Variants in PCDHA13 observed in about 807,000 individuals in gnomAD.
PCDHA13 encodes the protein protocadherin alpha 13, also known as protocadherin alpha-13.
A neutral mutation model predicts 64.8 loss-of-function variants in PCDHA13; 54 were observed. The observed-to-expected ratio is 0.83, with a 90% CI of 0.67 to 1.04. The LOEUF (loss-of-function observed/expected upper bound fraction) is 1.04, where lower values mean the gene tolerates loss of function less well. PCDHA13 is among the 50% of genes least tolerant of loss of function. PCDHA13 has a pLI of 0.00. For synonymous variants in PCDHA13, 587 were observed against 564.4 expected, an observed-to-expected ratio of 1.04 and a Z score of -0.57; for missense variants, 1,248 against 1,254.3, an observed-to-expected ratio of 0.99 and a Z score of 0.08.
chr5:140,971,488 A>G (rs17119328), intron 1 of PCDHA13, among the ~76,000 whole-genome samples: 1 of 152,104 alleles, frequency 6.6e-6, no homozygotes, highest in African/African-American at 2.4e-5. Flanking sequence ...ACATTGTTAC[A>G]GTGTGGCAAG....
chr5:140,955,030 A>T (rs1453200706), intron 1 of PCDHA13, among the ~76,000 whole-genome samples: 2 of 152,312 alleles, frequency 1.3e-5, no homozygotes, highest in African/African-American at 4.8e-5. Context: ...TTAAATAGGG[A>T]ATCTTTTCCT....
At chr5:140,984,228 G>A (rs374551349) in intron 3 of PCDHA13, among the ~76,000 whole-genome samples, 180 of 152,262 alleles carry the variant, frequency 1.2e-3, no homozygotes, top group African/African-American at 4.0e-3. Context: ...TTGCTCTTAT[G>A]GAGGCATTGT....
intron 3 of PCDHA13, among the ~76,000 whole-genome samples, chr5:141,009,180 T>C (rs1272195338): frequency 6.6e-6 from 1 of 152,170 alleles, no homozygotes; most frequent in Non-Finnish European, 1.5e-5. Context: ...CTTGGCTGGG[T>C]GTGGTAGCTC....
At chr5:140,904,818 G>A (rs1186696681) in intron 1 of PCDHA13, among the ~76,000 whole-genome samples, 1 of 152,070 alleles carries the variant, frequency 6.6e-6, no homozygotes, top group Non-Finnish European at 1.5e-5. Flanking sequence ...GTGATGTTGA[G>A]CATTTTTTTA....
chr5:140,986,853 A>G (rs1424493333), intron 3 of PCDHA13, among the ~76,000 whole-genome samples: 3 of 152,206 alleles, frequency 2.0e-5, no homozygotes, highest in Admixed American at 6.5e-5. Flanking sequence ...AGCAACACCA[A>G]CAATACCCGG....
chr5:140,959,000 G>A (rs1239762631), intron 1 of PCDHA13, among the ~76,000 whole-genome samples: 1 of 151,884 alleles, frequency 6.6e-6, no homozygotes, highest in Admixed American at 6.6e-5. Flanking sequence ...ATCTTTTACT[G>A]TACCTAATTT....
rs59860837 is a variant in PCDHA13 at position 141,005,701 on chromosome 5, C to CAAAAA, written c.2543-3900_2543-3896dup. 5.2e-3 allele frequency among the ~76,000 whole-genome samples: 40 copies of CAAAAA among 7,764 alleles called. 2 individuals are homozygous for CAAAAA. Among genetic ancestry groups the CAAAAA allele is most frequent in the East Asian group, 0.013 (4 of 312 alleles). The allele number at this position is 7,764 out of a possible 152,430, so 5.1% of individuals were successfully genotyped here. On this transcript the variant is annotated intron_variant, in intron 3 of 3. Coordinates refer to ENST00000289272, the MANE Select transcript of PCDHA13 (RefSeq NM_018904.3). ...TGGGCGACAGAGCGAAACTCCGTCT[C>CAAAAA]AAAAAAAAAAAAAAAAAAAAAAAAA...
intron 3 of PCDHA13, among the ~76,000 whole-genome samples, chr5:141,000,415 A>ATTT (rs1563651650): frequency 1.1e-5 from 1 of 87,398 alleles, no homozygotes; most frequent in South Asian, 4.0e-4. Flanking sequence ...ATATATATAT[A>ATTT]TATATATTTT....
At chr5:140,926,775 G>C in intron 1 of PCDHA13, 9 of 1,391,106 alleles carry the variant, frequency 6.5e-6, no homozygotes, top group Admixed American at 3.1e-5. Flanking sequence ...GCCCGCAGCA[G>C]TGACGGCCGG....
Position 140,982,684 on chromosome 5 carries a change from T to C in PCDHA13, c.2542+121T>C. Reference sequence around the variant, plus strand: ...TTTTATATTTTTGTTATTCCCTTTTTTCCATACATACATGATTTCCTTACA... The same window carrying C: ...TTTTATATTTTTGTTATTCCCTTTTCTCCATACATACATGATTTCCTTACA... On this transcript the variant is annotated intron_variant, in intron 3 of 3. Transcript: ENST00000289272. The C allele has an allele frequency of 2.8e-6, 4 of 1,425,176 alleles. No individual in the cohort carries two copies. In the South Asian group the frequency reaches 6.0e-5, roughly 21 times the overall value. 88.3% of individuals were successfully genotyped at this position (1,425,176 alleles called of 1,614,324 possible).
At chr5:140,886,951 C>T (rs1277166050) in intron 1 of PCDHA13, among the ~76,000 whole-genome samples, 1 of 151,696 alleles carries the variant, frequency 6.6e-6, no homozygotes, top group Non-Finnish European at 1.5e-5. Flanking sequence ...ACACATTAGA[C>T]ATTTAGCAAC....
At chr5:140,962,770 G>A (rs1387109570) in intron 1 of PCDHA13, among the ~76,000 whole-genome samples, 1 of 152,164 alleles carries the variant, frequency 6.6e-6, no homozygotes, top group Admixed American at 6.5e-5. Flanking sequence ...TTTTTAACAA[G>A]ATGGAATTTT....
intron 1 of PCDHA13, among the ~76,000 whole-genome samples, chr5:140,891,452 T>C (rs1554184844): frequency 6.7e-6 from 1 of 150,254 alleles, no homozygotes; most frequent in African/African-American, 2.4e-5. Flanking sequence ...ATAGGATTTT[T>C]GAATTTGTGA....
intron 1 of PCDHA13, chr5:140,967,284 A>C: frequency 6.2e-7 from 1 of 1,613,190 alleles, no homozygotes. Context: ...GAGAGTGCGC[A>C]GGACCCCGAC....
intron 3 of PCDHA13, among the ~76,000 whole-genome samples, chr5:141,008,053 C>T (rs1554261648): frequency 6.6e-6 from 1 of 152,056 alleles, no homozygotes; most frequent in African/African-American, 2.4e-5. Context: ...AACAGGGGTC[C>T]AGTCCATCTA....
intron 1 of PCDHA13, among the ~76,000 whole-genome samples, chr5:140,939,735 G>A (rs2092448026): frequency 6.6e-6 from 1 of 152,174 alleles, no homozygotes; most frequent in South Asian, 2.1e-4. Flanking sequence ...GTGTGTAGCT[G>A]TGTATCATTC....
Position 141,010,175 on chromosome 5 carries a change from A to G in PCDHA13, c.*238A>G. The G allele has an allele frequency of 6.4e-7, 1 of 1,556,224 alleles. No homozygotes were observed. The highest frequency in any genetic ancestry group is 8.7e-7 in the Non-Finnish European group (1 of 1,149,078). On this transcript the variant is annotated 3_prime_UTR_variant, in exon 4 of 4. Coordinates refer to ENST00000289272, the MANE Select transcript of PCDHA13 (RefSeq NM_018904.3). ...TCTGGCTTGTTTTCAGAACCTAAAA[A>G]GCAGACCCAAGTTTCCTTTCTCCTC...
At position 140,946,631 on chromosome 5, in the gene PCDHA13, T is replaced by TATATATATATATATATACAC. The variant is rs57893927; in HGVS notation, c.2395-32317_2395-32316insTATATATATATATATACACA. 2.9e-4 allele frequency among the ~76,000 whole-genome samples: 38 copies of TATATATATATATATATACAC among 131,846 alleles called. No individual in the cohort carries two copies. The East Asian group carries it at 4.9e-3, about 17-fold the overall frequency. The allele number at this position is 131,846 out of a possible 152,430, so 86.5% of individuals were successfully genotyped here. A position where few individuals can be genotyped will look rare whatever the true frequency, so the allele number is the denominator to read the frequency against. On this transcript the variant is annotated intron_variant, in intron 1 of 3. Transcript: ENST00000289272. ...TGTGAAATATATATATATATATATATACAATGGAATACTCATCAGCCATTA... is the reference window on the plus strand; with the variant it reads ...TGTGAAATATATATATATATATATATATATATATATATATATACACACAATGGAATACTCATCAGCCATTA...
intron 3 of PCDHA13, among the ~76,000 whole-genome samples, chr5:140,987,354 G>A (rs1180342992): frequency 2.6e-5 from 4 of 152,166 alleles, no homozygotes; most frequent in Admixed American, 2.6e-4. Context: ...TATTCCTGAG[G>A]TTGTCTTATA....
Sources: gnomAD v4.1 joint callset for allele counts (sites outside exome capture counted in the v4.1 genomes callset) on GRCh38, gnomAD v4.1.1 for gene constraint, MANE v1.5 for transcripts, NCBI Gene and HGNC (gene_info 2026-07-23, HGNC 2026-07-21) for gene names.